The following SP100 variants were observed in gnomAD, a reference collection of about 807,000 sequenced individuals.
SP100 encodes the protein SP100 nuclear body protein.
In SP100, 84 loss-of-function variants were observed where a neutral mutation model predicts 130.0. That is an observed-to-expected ratio of 0.65 (90% CI 0.54 to 0.77). The LOEUF is 0.77. Ranked by LOEUF, SP100 falls within the 30% of genes least tolerant of loss-of-function variation. SP100 has a pLI of 0.00. For synonymous variants in SP100, 331 were observed against 351.7 expected, an observed-to-expected ratio of 0.94 and a Z score of 0.66; for missense variants, 978 against 1,052.2, an observed-to-expected ratio of 0.93 and a Z score of 0.97.
chr2:230,461,684 C>T (rs576724046), intron 9 of SP100, among the ~76,000 whole-genome samples: 1 of 152,126 alleles, frequency 6.6e-6, no homozygotes, highest in Non-Finnish European at 1.5e-5. Flanking sequence ...CCTGATGGCT[C>T]ATGCCTGTAA....
At chr2:230,499,021 A>T (rs1392309225) in intron 19 of SP100, among the ~76,000 whole-genome samples, 3 of 152,084 alleles carry the variant, frequency 2.0e-5, no homozygotes, top group Non-Finnish European at 4.4e-5. Flanking sequence ...GTGGCTTCTC[A>T]TTCCGTGGAT....
intron 19 of SP100, among the ~76,000 whole-genome samples, chr2:230,500,570 CA>C (rs2066963209): frequency 3.9e-5 from 6 of 152,140 alleles, no homozygotes; most frequent in Non-Finnish European, 7.3e-5. Context: ...AGGTTATGGC[CA>C]GAGCTGGATC....
chr2:230,542,256 C>T (rs138222591), intron 28 of SP100, among the ~76,000 whole-genome samples: 61 of 152,224 alleles, frequency 4.0e-4, no homozygotes, highest in African/African-American at 1.3e-3. Flanking sequence ...CTATATATAA[C>T]CTCAGAGTTG....
chr2:230,505,575 A>C (rs1252533173), intron 21 of SP100, among the ~76,000 whole-genome samples: 1 of 152,178 alleles, frequency 6.6e-6, no homozygotes, highest in African/African-American at 2.4e-5. Context: ...TATGAGAAAA[A>C]AATAAAAAAA....
rs750389091 is a variant in SP100, at chr2:230,522,476, C to CTT, written c.2094+11331_2094+11332dup. ...TTTAGTGCTCTTTGGCCCCAGTGTT[C>CTT]TTTTTTTTTTTTTTTTTTTTTTGAG... On this transcript the variant is annotated intron_variant, in intron 24 of 28. Coordinates refer to ENST00000340126, the MANE Select transcript of SP100 (RefSeq NM_001080391.2). Among the ~76,000 whole-genome samples the CTT allele has an allele frequency of 6.7e-3, 548 of 82,088 alleles. 51 individuals are homozygous for CTT. Among genetic ancestry groups the CTT allele is most frequent in the Middle Eastern group, 0.033 (2 of 60 alleles). The allele number at this position is 82,088 out of a possible 152,430, so 53.9% of individuals were successfully genotyped here. A position where few individuals can be genotyped will look rare whatever the true frequency, so the allele number is the denominator to read the frequency against.
chr2:230,539,457 T>G (rs1692078391), intron 25 of SP100, 75 bp downstream of exon 25: 7 of 956,610 alleles, frequency 7.3e-6, no homozygotes, highest in Non-Finnish European at 1.2e-5. Flanking sequence ...ATGAGTACTC[T>G]GCAGAGTTTC....
chr2:230,443,309 C>T lies in SP100; in HGVS notation c.270+210C>T, dbSNP rs575117182. 3.3e-5 allele frequency among the ~76,000 whole-genome samples: 5 copies of T among 152,200 alleles called. No homozygotes were observed. The South Asian group carries it at 6.2e-4, about 19-fold the overall frequency. ...CGCCGGAGATGGTCCCACTTCCAGC[C>T]GAGGAAATGGTGTTCCATGGTGTCC... On this transcript the variant is annotated intron_variant, in intron 3 of 28. Coordinates refer to ENST00000340126, the MANE Select transcript of SP100 (RefSeq NM_001080391.2).
intron 24 of SP100, among the ~76,000 whole-genome samples, chr2:230,532,766 T>A (rs1691759827): frequency 6.6e-6 from 1 of 152,096 alleles, no homozygotes. Flanking sequence ...CTAGTGCTCT[T>A]TTATTTTTAT....
rs956236767 is a variant in SP100 at position 230,503,223 on chromosome 2, C to A, written c.1765+113C>A. On this transcript the variant is annotated intron_variant, in intron 20 of 28. Coordinates refer to ENST00000340126, the MANE Select transcript of SP100 (RefSeq NM_001080391.2). Reference sequence around the variant, plus strand: ...TTGGCATATGGAGCTAGTACTGGAGCCTTAACGTTGACCAGCAGTTCATTT... The same window carrying A: ...TTGGCATATGGAGCTAGTACTGGAGACTTAACGTTGACCAGCAGTTCATTT... 9.1e-6 allele frequency: 6 copies of A among 655,880 alleles called. No individual in the cohort carries two copies. In the Admixed American group the frequency reaches 1.2e-4, roughly 14 times the overall value. The allele number at this position is 655,880 out of a possible 1,614,324, so 40.6% of individuals were successfully genotyped here. A position where few individuals can be genotyped will look rare whatever the true frequency, so the allele number is the denominator to read the frequency against.
At chr2:230,441,681 C>T (rs1299634627) in intron 2 of SP100, among the ~76,000 whole-genome samples, 1 of 152,112 alleles carries the variant, frequency 6.6e-6, no homozygotes, top group Admixed American at 6.5e-5. Context: ...TATTAAGATA[C>T]GATGGAAAAA....
chr2:230,491,159 G>C (rs1422459407), intron 17 of SP100, among the ~76,000 whole-genome samples: 2 of 152,176 alleles, frequency 1.3e-5, no homozygotes, highest in Non-Finnish European at 2.9e-5. Flanking sequence ...TTTCTTGGAG[G>C]CTTTATTCAA....
chr2:230,522,637 C>A (rs1305315127), intron 24 of SP100, among the ~76,000 whole-genome samples: 1 of 151,300 alleles, frequency 6.6e-6, no homozygotes. Flanking sequence ...TACAGGTTCA[C>A]ACCACCACGC....
At chr2:230,447,075 T>C (rs1435572510) in intron 5 of SP100, among the ~76,000 whole-genome samples, 173 bp downstream of exon 5, 1 of 152,176 alleles carries the variant, frequency 6.6e-6, no homozygotes, top group East Asian at 1.9e-4. Flanking sequence ...TGACAAGGCA[T>C]AGTTGGCTCA....
At chr2:230,510,287 C>A (rs1173572501) in intron 23 of SP100, 2 of 152,460 alleles carry the variant, frequency 1.3e-5, no homozygotes, top group Non-Finnish European at 2.9e-5. Flanking sequence ...AGAAGAGCTA[C>A]AGTACTGGGG....
chr2:230,529,833 C>A (rs1469824904), intron 24 of SP100, among the ~76,000 whole-genome samples: 1 of 152,142 alleles, frequency 6.6e-6, no homozygotes, highest in African/African-American at 2.4e-5. Flanking sequence ...TTCACAATTA[C>A]TACAAAGAGA....
chr2:230,533,388 T>A (rs1691792229), intron 24 of SP100, among the ~76,000 whole-genome samples: 1 of 152,178 alleles, frequency 6.6e-6, no homozygotes, highest in South Asian at 2.1e-4. Flanking sequence ...TGGTTTGAAG[T>A]GCTATAGGAA....
chr2:230,429,255 A>G (rs1234234539), intron 2 of SP100, among the ~76,000 whole-genome samples: 7 of 152,176 alleles, frequency 4.6e-5, no homozygotes, highest in African/African-American at 1.2e-4. Context: ...CTATTCTTTC[A>G]GCATTTTGAA....
intron 24 of SP100, chr2:230,516,318 T>C (rs931322607): frequency 1.3e-5 from 2 of 157,212 alleles, no homozygotes; most frequent in East Asian, 3.8e-4. Context: ...AGAATGTTTA[T>C]GAATAGTTTC....
intron 15 of SP100, among the ~76,000 whole-genome samples, chr2:230,472,493 A>G (rs2065324177): frequency 6.6e-6 from 1 of 151,498 alleles, no homozygotes; most frequent in Non-Finnish European, 1.5e-5. Flanking sequence ...AAGAGAGAAT[A>G]GAAGGAGGAA....
Sources: allele counts gnomAD v4.1 joint callset (sites outside exome capture counted in the v4.1 genomes callset), GRCh38; gene constraint gnomAD v4.1.1; transcripts MANE v1.5; gene names NCBI Gene and HGNC (gene_info 2026-07-23, HGNC 2026-07-21).